The following AP1G1 variants were observed in gnomAD, a reference collection of about 807,000 sequenced individuals.
The protein encoded by AP1G1 is adaptor related protein complex 1 subunit gamma 1.
AP1G1 carries 7 observed loss-of-function variants against 108.3 expected under a neutral mutation model. The ratio of observed to expected loss-of-function variants is 0.06; its 90% CI spans 0.04 to 0.12. The LOEUF (loss-of-function observed/expected upper bound fraction) is 0.12, where lower values mean the gene tolerates loss of function less well. AP1G1 is among the 10% of genes least tolerant of loss of function. AP1G1 has a pLI of 1.00. For synonymous variants in AP1G1, 379 were observed against 353.5 expected, an observed-to-expected ratio of 1.07 and a Z score of -0.81; for missense variants, 756 against 1,010.7, an observed-to-expected ratio of 0.75 and a Z score of 3.42.
At chr16:71,767,931 C>A (rs182871380) in intron 6 of AP1G1, 8 of 1,588,014 alleles carry the variant, frequency 5.0e-6, no homozygotes, top group Non-Finnish European at 6.8e-6. Flanking sequence ...ACAAAACATA[C>A]AAAGCAAGCA....
chr16:71,767,824 C>T, intron 6 of AP1G1: 1 of 1,566,480 alleles, frequency 6.4e-7, no homozygotes, highest in South Asian at 1.1e-5. Context: ...TACACAAAAG[C>T]TACTAAGGAC....
At chr16:71,734,571 A>G (rs144865451) in intron 22 of AP1G1, 38 bp downstream of exon 22, 2 of 1,482,876 alleles carry the variant, frequency 1.3e-6, no homozygotes, top group East Asian at 2.3e-5. Flanking sequence ...ATATGCTTAC[A>G]CTTCGGCTCA....
intron 13 of AP1G1, chr16:71,751,196 A>C (rs1054812048): frequency 6.6e-6 from 1 of 151,918 alleles, no homozygotes; most frequent in Non-Finnish European, 1.5e-5. Flanking sequence ...CAAATTAAAA[A>C]AGGAAGGCTG....
intron 2 of AP1G1, among the ~76,000 whole-genome samples, chr16:71,781,056 G>A (rs1041307560): frequency 2.0e-5 from 3 of 152,096 alleles, no homozygotes; most frequent in Non-Finnish European, 4.4e-5. Context: ...GTCCTCAAAC[G>A]ATCCTTCTGC....
At chr16:71,797,410 C>T (rs980451059) in intron 1 of AP1G1, among the ~76,000 whole-genome samples, 2 of 152,044 alleles carry the variant, frequency 1.3e-5, no homozygotes, top group African/African-American at 4.8e-5. Context: ...ATAAATAAAG[C>T]AACTGTAAAC....
chr16:71,802,958 T>C (rs1017584106), intron 1 of AP1G1, among the ~76,000 whole-genome samples: 6 of 152,186 alleles, frequency 3.9e-5, no homozygotes, highest in Middle Eastern at 3.4e-3. Context: ...CTCACACCTA[T>C]AATCCCAGCA....
intron 1 of AP1G1, among the ~76,000 whole-genome samples, chr16:71,807,143 T>C (rs1293473971): frequency 1.3e-5 from 2 of 152,144 alleles, no homozygotes; most frequent in Non-Finnish European, 2.9e-5. Context: ...GAAATACTTT[T>C]TGCCAGGCAC....
intron 6 of AP1G1, among the ~76,000 whole-genome samples, chr16:71,766,758 A>C (rs926546799): frequency 6.6e-6 from 1 of 152,218 alleles, no homozygotes; most frequent in African/African-American, 2.4e-5. Context: ...AGCATTCAAA[A>C]CATTAAGGCC....
chr16:71,806,617 T>C (rs1279241471), intron 1 of AP1G1: 1 of 1,020,674 alleles, frequency 9.8e-7, no homozygotes, highest in Non-Finnish European at 1.3e-6. Context: ...ATAGCTCTTC[T>C]AACACCTTAC....
rs563358652 is a variant in AP1G1 at position 71,738,056 on chromosome 16, T to C, written c.2268+886A>G. ...TTTTCTTTATTTAGAACTCTTTGTT[T>C]GTTTGTTTTGAGATGGAGTCTCGCT... On this transcript the variant is annotated intron_variant, in intron 21 of 22. Transcript: ENST00000299980. Among the ~76,000 whole-genome samples, 3 of 152,170 alleles carry C rather than the reference T, an allele frequency of 2.0e-5. No individual in the cohort carries two copies. In the East Asian group the frequency reaches 5.8e-4, roughly 29 times the overall value.
intron 2 of AP1G1, among the ~76,000 whole-genome samples, chr16:71,781,526 T>C (rs1024565119): frequency 1.3e-5 from 2 of 152,192 alleles, no homozygotes; most frequent in African/African-American, 4.8e-5. Flanking sequence ...AAACTGCTGC[T>C]CATGACTGCC....
chr16:71,791,710 T>C (rs2032406942), intron 1 of AP1G1, among the ~76,000 whole-genome samples: 1 of 147,094 alleles, frequency 6.8e-6, no homozygotes, highest in South Asian at 2.1e-4. Flanking sequence ...GTAATGGGTA[T>C]ATTAAGATAT....
chr16:71,759,354 G>T (rs138923455), intron 10 of AP1G1, among the ~76,000 whole-genome samples: 67 of 152,088 alleles, frequency 4.4e-4, no homozygotes, highest in African/African-American at 1.4e-3. Context: ...CCAGCTACTC[G>T]AGGGGCTGAG....
At chr16:71,788,262 G>A (rs376975898) in intron 2 of AP1G1, among the ~76,000 whole-genome samples, 1 of 152,098 alleles carries the variant, frequency 6.6e-6, no homozygotes, top group South Asian at 2.1e-4. Context: ...TGGGCAGTCT[G>A]TTCCTTAGAG....
At chr16:71,746,490 T>C in intron 17 of AP1G1, 98 bp downstream of exon 17, 1 of 720,970 alleles carries the variant, frequency 1.4e-6, no homozygotes, top group Non-Finnish European at 2.2e-6. Context: ...CGAGGAACAA[T>C]TAATAAAGCA....
At chr16:71,798,082 A>G (rs1385513482) in intron 1 of AP1G1, among the ~76,000 whole-genome samples, 2 of 152,222 alleles carry the variant, frequency 1.3e-5, no homozygotes, top group East Asian at 3.8e-4. Context: ...AATCTATAAA[A>G]TATTTGTTGA....
At chr16:71,787,571 G>C (rs767590337) in intron 2 of AP1G1, among the ~76,000 whole-genome samples, 11 of 152,256 alleles carry the variant, frequency 7.2e-5, no homozygotes, top group African/African-American at 2.4e-4. Flanking sequence ...AATGCTTATC[G>C]CTGAGGAATT....
rs1597040168 is a variant in AP1G1 at position 71,745,406 on chromosome 16, A to C, written c.1872+67T>G. On this transcript the variant is annotated intron_variant, in intron 18 of 22. Transcript: ENST00000299980. ...CAGGAACATTAAAGGGACTCAGCTAAGAGACAAGCTGTAAGGGACTATAAA... is the reference window on the plus strand; with the variant it reads ...CAGGAACATTAAAGGGACTCAGCTACGAGACAAGCTGTAAGGGACTATAAA... 25 of 1,611,194 alleles carry C rather than the reference A, an allele frequency of 1.6e-5. No homozygotes were observed. In the East Asian group the frequency reaches 5.6e-4, roughly 36 times the overall value.
chr16:71,777,107 A>C (rs1439005790), intron 2 of AP1G1, among the ~76,000 whole-genome samples: 13 of 20,886 alleles, frequency 6.2e-4, no homozygotes, highest in South Asian at 3.6e-3. Flanking sequence ...AAACTGTTAC[A>C]AAAAAAAAAA....
Sources: gnomAD v4.1 joint callset for allele counts (sites outside exome capture counted in the v4.1 genomes callset) on GRCh38, gnomAD v4.1.1 for gene constraint, MANE v1.5 for transcripts, NCBI Gene and HGNC (gene_info 2026-07-23, HGNC 2026-07-21) for gene names.